The following LINGO2 variants were observed in gnomAD, a reference collection of about 807,000 sequenced individuals.
LINGO2 encodes leucine-rich repeat and immunoglobulin-like domain-containing nogo receptor-interacting protein 2.
A neutral mutation model predicts 30.6 loss-of-function variants in LINGO2; 14 were observed. The ratio of observed to expected loss-of-function variants is 0.46; its 90% CI spans 0.30 to 0.72. LINGO2 has a LOEUF of 0.72. Among genes scored for constraint, LINGO2 ranks in the 30% least tolerant of loss-of-function variants. The probability of loss-of-function intolerance (pLI) is 0.07; values close to 1 mark genes in which losing one functional copy is unlikely to be tolerated. For missense variants in LINGO2, 729 were observed against 751.7 expected (o/e 0.97, Z 0.35); for synonymous variants, 317 against 288.5 (o/e 1.10, Z -1.00).
At chr9:29,138,353 A>T in the LINGO2 span, among the ~76,000 whole-genome samples, 1 of 152,110 alleles carries the variant, frequency 6.6e-6, no homozygotes, top group African/African-American at 2.4e-5. Context: ...CCAAAAGTAC[A>T]TTCCTGACCT....
At chr9:28,561,458 C>T (rs953282943) in intron 1 of LINGO2, among the ~76,000 whole-genome samples, 3 of 151,050 alleles carry the variant, frequency 2.0e-5, no homozygotes, top group Admixed American at 6.6e-5. Flanking sequence ...AAATTTACCT[C>T]AGGAGATTTG....
At chr9:28,643,259 G>T (rs995820852) in intron 1 of LINGO2, among the ~76,000 whole-genome samples, 7 of 151,884 alleles carry the variant, frequency 4.6e-5, no homozygotes, top group African/African-American at 1.7e-4. Flanking sequence ...GGATAAAACA[G>T]GAAAAATCAC....
At chr9:28,342,933 A>G (rs1446843280) in intron 3 of LINGO2, among the ~76,000 whole-genome samples, 1 of 152,122 alleles carries the variant, frequency 6.6e-6, no homozygotes, top group Non-Finnish European at 1.5e-5. Context: ...CATTTGTTTC[A>G]GGTGAGTGGC....
chr9:28,704,742 T>A, the LINGO2 span, among the ~76,000 whole-genome samples: 418 of 152,254 alleles, frequency 2.7e-3, 3 homozygotes, highest in African/African-American at 9.6e-3. Flanking sequence ...AGCTCTACAA[T>A]GATGTTTTGA....
At chr9:29,069,889 G>A in the LINGO2 span, among the ~76,000 whole-genome samples, 1 of 151,940 alleles carries the variant, frequency 6.6e-6, no homozygotes, top group Non-Finnish European at 1.5e-5. Flanking sequence ...TACTCAAACT[G>A]GCATAACAGG....
At chr9:28,030,568 T>C (rs1823617228) in intron 4 of LINGO2, among the ~76,000 whole-genome samples, 1 of 152,190 alleles carries the variant, frequency 6.6e-6, no homozygotes, top group Non-Finnish European at 1.5e-5. Context: ...ATAATAAGTG[T>C]TGGCTACTCA....
chr9:29,144,801 T>C, the LINGO2 span, among the ~76,000 whole-genome samples: 4 of 152,202 alleles, frequency 2.6e-5, no homozygotes, highest in Admixed American at 1.3e-4. Context: ...GGAATTACTC[T>C]ACCACCAAGA....
intron 1 of LINGO2, among the ~76,000 whole-genome samples, chr9:28,527,819 T>G (rs1474891095): frequency 6.6e-6 from 1 of 152,196 alleles, no homozygotes; most frequent in Admixed American, 6.5e-5. Flanking sequence ...CTCTAGTGTC[T>G]GCACCTGACC....
chr9:28,460,971 G>A (rs945891510), intron 2 of LINGO2, among the ~76,000 whole-genome samples: 3 of 152,136 alleles, frequency 2.0e-5, no homozygotes, highest in South Asian at 2.1e-4. Flanking sequence ...TACAATCTCC[G>A]CAGTGTAGAA....
At chr9:28,926,652 T>C in the LINGO2 span, among the ~76,000 whole-genome samples, 671 of 152,294 alleles carry the variant, frequency 4.4e-3, 48 homozygotes, top group East Asian at 0.12. Flanking sequence ...CTTTTTTTAA[T>C]ATGGTTAACG....
chr9:28,844,776 T>G, the LINGO2 span, among the ~76,000 whole-genome samples: 1 of 151,850 alleles, frequency 6.6e-6, no homozygotes. Context: ...TTCATAGCTT[T>G]TATTTCAGGA....
the LINGO2 span, among the ~76,000 whole-genome samples, chr9:29,189,648 G>A: frequency 5.9e-5 from 9 of 152,106 alleles, no homozygotes; most frequent in African/African-American, 2.2e-4. Context: ...CGGCACTTTG[G>A]GAGGCCAAGG....
intron 4 of LINGO2, among the ~76,000 whole-genome samples, chr9:28,253,704 C>G (rs1365427335): frequency 2.0e-5 from 3 of 152,126 alleles, no homozygotes; most frequent in Admixed American, 6.5e-5. Context: ...ATTACCACCA[C>G]CTTAACCTGC....
the LINGO2 span, among the ~76,000 whole-genome samples, chr9:29,167,768 G>A: frequency 6.6e-6 from 1 of 152,068 alleles, no homozygotes; most frequent in Non-Finnish European, 1.5e-5. Flanking sequence ...AATCTTCCAT[G>A]AAATCACCCA....
intron 1 of LINGO2, among the ~76,000 whole-genome samples, chr9:28,563,032 A>G (rs1248191203): frequency 1.3e-5 from 2 of 152,044 alleles, no homozygotes; most frequent in Non-Finnish European, 2.9e-5. Context: ...TTTTTAGTAG[A>G]GATGGGGTTT....
chr9:29,206,956 C>T, the LINGO2 span, among the ~76,000 whole-genome samples: 3 of 151,934 alleles, frequency 2.0e-5, no homozygotes, highest in African/African-American at 7.2e-5. Context: ...TAATCATAAG[C>T]TTAACCAGCA....
chr9:28,996,660 T>C, the LINGO2 span, among the ~76,000 whole-genome samples: 1 of 152,232 alleles, frequency 6.6e-6, no homozygotes, highest in South Asian at 2.1e-4. Flanking sequence ...TAGATGTTTG[T>C]TAAAGTATTC....
At chr9:29,041,210 C>T in the LINGO2 span, among the ~76,000 whole-genome samples, 1 of 151,962 alleles carries the variant, frequency 6.6e-6, no homozygotes, top group Non-Finnish European at 1.5e-5. Flanking sequence ...GAGAGACATA[C>T]TACATTCATA....
intron 4 of LINGO2, among the ~76,000 whole-genome samples, chr9:28,056,300 T>C (rs546434862): frequency 1.3e-5 from 2 of 152,180 alleles, no homozygotes; most frequent in South Asian, 4.1e-4. Context: ...AGACTCAATT[T>C]GTCAGTTTGC....
Sources: gnomAD v4.1 joint callset for allele counts (sites outside exome capture counted in the v4.1 genomes callset) on GRCh38, gnomAD v4.1.1 for gene constraint, MANE v1.5 for transcripts, NCBI Gene and HGNC (gene_info 2026-07-23, HGNC 2026-07-21) for gene names.